The following ZNF536 variants were observed in gnomAD, a reference collection of about 807,000 sequenced individuals.
ZNF536 encodes zinc finger protein 536.
Under a neutral mutation model 84.5 loss-of-function variants are expected in ZNF536, and 13 were observed. That is an observed-to-expected ratio of 0.15 (90% CI 0.10 to 0.24). The LOEUF is 0.24. Among genes scored for constraint, ZNF536 ranks in the 10% least tolerant of loss-of-function variants. ZNF536 has a pLI of 1.00. For missense variants in ZNF536, 1,536 were observed against 1,747.5 expected (o/e 0.88, Z 2.16); for synonymous variants, 811 against 742.5 (o/e 1.09, Z -1.50).
chr19:30,604,059 C>T (rs771561014), intron 1 of ZNF536, among the ~76,000 whole-genome samples: 5 of 152,266 alleles, frequency 3.3e-5, no homozygotes, highest in Middle Eastern at 3.4e-3. Context: ...CATTGCACTC[C>T]AGCCTGGGAG....
At chr19:30,522,497 C>T (rs1466992051) in intron 2 of ZNF536, among the ~76,000 whole-genome samples, 1 of 149,726 alleles carries the variant, frequency 6.7e-6, no homozygotes, top group Non-Finnish European at 1.5e-5. Flanking sequence ...TGTTTTCTGC[C>T]ACTGTTTACT....
In ZNF536 at chr19:30,444,300, C is replaced by T; in HGVS notation, c.738C>T (p.His246=). 2 of 1,580,070 alleles carry T rather than the reference C, an allele frequency of 1.3e-6. No individual in the cohort carries two copies. Among genetic ancestry groups the T allele is most frequent in the South Asian group, 1.1e-5 (1 of 88,680 alleles). The change falls in exon 2 of 5, where the codon CAC becomes CAT. Residue 246 remains histidine (H), a synonymous_variant. Coordinates refer to ENST00000355537, the MANE Select transcript of ZNF536 (RefSeq NM_014717.3). The part of the protein sequence containing the change: ...AACTLALQAN[H]SVPDVAHPVP... ...GCACCCTGGCCCTGCAGGCTAACCA[C>T]AGCGTTCCCGACGTGGCCCACCCGG...
chr19:30,251,273 A>C (rs941308569), intron 1 of ZNF536, among the ~76,000 whole-genome samples: 2 of 152,162 alleles, frequency 1.3e-5, no homozygotes, highest in Non-Finnish European at 2.9e-5. Context: ...TGGGCCACCC[A>C]TCTAGTAGAT....
At chr19:30,447,739 T>C (rs1203660601) in intron 2 of ZNF536, among the ~76,000 whole-genome samples, 1 of 152,226 alleles carries the variant, frequency 6.6e-6, no homozygotes, top group East Asian at 1.9e-4. Context: ...TCTTCTGGCA[T>C]GTGTCGTTTC....
At chr19:30,266,082 T>C (rs888171309) in intron 1 of ZNF536, among the ~76,000 whole-genome samples, 6 of 151,994 alleles carry the variant, frequency 3.9e-5, no homozygotes, top group African/African-American at 1.5e-4. Flanking sequence ...AGGGTCTTGC[T>C]CTGTTGCCCA....
chr19:30,423,749 C>T (rs1306254060), intron 1 of ZNF536, among the ~76,000 whole-genome samples: 1 of 152,184 alleles, frequency 6.6e-6, no homozygotes, highest in Non-Finnish European at 1.5e-5. Context: ...AGGGCTCCCT[C>T]CCGGGGGCTT....
intron 2 of ZNF536, among the ~76,000 whole-genome samples, chr19:30,454,450 G>C (rs1013849140): frequency 1.3e-5 from 2 of 152,262 alleles, no homozygotes; most frequent in Non-Finnish European, 2.9e-5. Flanking sequence ...AGTTCAACAT[G>C]AAGTGTATGC....
rs1460061348 is a variant in ZNF536 at position 30,344,304 on chromosome 19, T to TATATATATATATATATATATATATATATA, written c.-119-8064_-119-8063insATATATATATATATATATATATATATATA. Reference sequence around the variant, plus strand: ...AAATACACACACACACACAAATATATTGGCGGCCTCCTATAATCCCAGCTA... The same window carrying TATATATATATATATATATATATATATATA: ...AAATACACACACACACACAAATATATATATATATATATATATATATATATATATATGGCGGCCTCCTATAATCCCAGCTA... On this transcript the variant is annotated intron_variant, in intron 2 of 5. Transcript: ENST00000585628. Among the ~76,000 whole-genome samples the TATATATATATATATATATATATATATATA allele has an allele frequency of 6.0e-5, 4 of 66,272 alleles. 1 individual carries two copies. Among genetic ancestry groups the TATATATATATATATATATATATATATATA allele is most frequent in the South Asian group, 1.2e-3 (2 of 1,720 alleles). 43.5% of individuals were successfully genotyped at this position (66,272 alleles called of 152,430 possible). A position where few individuals can be genotyped will look rare whatever the true frequency, so the allele number is the denominator to read the frequency against.
chr19:30,256,974 C>G (rs1206962791), intron 1 of ZNF536, among the ~76,000 whole-genome samples: 1 of 152,092 alleles, frequency 6.6e-6, no homozygotes, highest in Non-Finnish European at 1.5e-5. Context: ...TTTTAGCATG[C>G]AGTAAGAAAT....
intron 1 of ZNF536, among the ~76,000 whole-genome samples, chr19:30,605,846 C>T (rs1340466059): frequency 6.6e-6 from 1 of 152,138 alleles, no homozygotes; most frequent in Non-Finnish European, 1.5e-5. Context: ...CACACAGATT[C>T]CCATCTTCCT....
chr19:30,522,257 A>ATG (rs2044367421), intron 2 of ZNF536, among the ~76,000 whole-genome samples: 1 of 128,844 alleles, frequency 7.8e-6, no homozygotes, highest in African/African-American at 3.1e-5. Flanking sequence ...AGCTGGATAT[A>ATG]TATACATATA....
At chr19:30,476,385 A>G (rs2144738173) in intron 2 of ZNF536, among the ~76,000 whole-genome samples, 2 of 152,290 alleles carry the variant, frequency 1.3e-5, no homozygotes, top group East Asian at 3.9e-4. Flanking sequence ...TCTTTTTTTA[A>G]GTAGGTAAAC....
intron 1 of ZNF536, among the ~76,000 whole-genome samples, chr19:30,611,715 C>A (rs1016147743): frequency 2.6e-5 from 4 of 152,140 alleles, no homozygotes; most frequent in African/African-American, 9.7e-5. Flanking sequence ...CACTGAGTGT[C>A]AAACAAAATG....
At chr19:30,290,762 G>A (rs2045809695) in intron 2 of ZNF536, among the ~76,000 whole-genome samples, 1 of 152,170 alleles carries the variant, frequency 6.6e-6, no homozygotes, top group South Asian at 2.1e-4. Flanking sequence ...ATAGTAGTTT[G>A]CTGCACCCAT....
At chr19:30,272,128 T>TA (rs1320909350) in intron 1 of ZNF536, among the ~76,000 whole-genome samples, 1 of 152,228 alleles carries the variant, frequency 6.6e-6, no homozygotes, top group African/African-American at 2.4e-5. Context: ...GAAGTGGAAA[T>TA]ACTTCAGCTA....
At chr19:30,631,283 G>T (rs570006631) in intron 1 of ZNF536, among the ~76,000 whole-genome samples, 16 of 152,180 alleles carry the variant, frequency 1.1e-4, no homozygotes. Context: ...CTTTTGTTAC[G>T]CAGCCAGGCT....
chr19:30,642,635 T>G (rs1194283884), intron 1 of ZNF536, among the ~76,000 whole-genome samples: 2 of 152,096 alleles, frequency 1.3e-5, no homozygotes, highest in African/African-American at 4.8e-5. Flanking sequence ...CAGAAGGAAA[T>G]TTTGATCATC....
chr19:30,606,252 T>A (rs199675632), intron 1 of ZNF536, among the ~76,000 whole-genome samples: 19 of 65,982 alleles, frequency 2.9e-4, no homozygotes, highest in South Asian at 1.1e-3. Flanking sequence ...TAAAATAAAA[T>A]AAATAAAATA....
intron 2 of ZNF536, among the ~76,000 whole-genome samples, chr19:30,504,869 C>T (rs146647905): frequency 7.4e-4 from 112 of 152,014 alleles, no homozygotes; most frequent in African/African-American, 2.3e-3. Flanking sequence ...TTATATGATC[C>T]GCAAAATAAG....
Sources: gnomAD v4.1 joint callset for allele counts (sites outside exome capture counted in the v4.1 genomes callset) on GRCh38, gnomAD v4.1.1 for gene constraint, MANE v1.5 for transcripts, NCBI Gene and HGNC (gene_info 2026-07-23, HGNC 2026-07-21) for gene names.